PLEKHG5: variants seen among roughly 807,000 people sequenced by gnomAD.
PLEKHG5 encodes the protein pleckstrin homology domain-containing family G member 5.
A neutral mutation model predicts 103.8 loss-of-function variants in PLEKHG5; 52 were observed. The observed-to-expected ratio is 0.50, with a 90% CI of 0.40 to 0.63. The LOEUF (loss-of-function observed/expected upper bound fraction) is 0.63. PLEKHG5 is among the 30% of genes least tolerant of loss of function. The probability of loss-of-function intolerance (pLI) is 0.00; values close to 1 mark genes in which losing one functional copy is unlikely to be tolerated. For missense variants in PLEKHG5, 1,205 were observed against 1,347.6 expected (o/e 0.89, Z 1.66); for synonymous variants, 592 against 575.5 (o/e 1.03, Z -0.41).
At position 6,477,577 on chromosome 1, in the gene PLEKHG5, T is replaced by C; in HGVS notation, c.-6A>G. 1.2e-6 allele frequency: 2 copies of C among 1,612,556 alleles called. No homozygotes were observed. Among genetic ancestry groups the C allele is most frequent in the Non-Finnish European group, 1.7e-6 (2 of 1,179,986 alleles). ...ACATGCCCATCATAATGCATGGTGC[T>C]GTGGAACTTGCTGTCACAGGCCTCG... On this transcript the variant is annotated 5_prime_UTR_variant, in exon 2 of 21. Coordinates refer to ENST00000377728, the MANE Select transcript of PLEKHG5 (RefSeq NM_020631.6).
intron 7 of PLEKHG5, among the ~76,000 whole-genome samples, chr1:6,473,773 C>G (rs1423750714): frequency 6.6e-6 from 1 of 152,172 alleles, no homozygotes; most frequent in Admixed American, 6.5e-5. Context: ...CATGCACACA[C>G]AGGTTCCCTG....
Position 6,486,313 on chromosome 1 carries a change from C to T in PLEKHG5, c.-88+5324G>A, listed in dbSNP as rs1004916870. On this transcript the variant is annotated intron_variant, in intron 1 of 20. Coordinates refer to ENST00000377728, the MANE Select transcript of PLEKHG5 (RefSeq NM_020631.6). This position sits in a 1 kb window ranked among gnomAD's most constrained non-coding sequence, Gnocchi z 5.3. ...CCAGGGACACCCCTCTCTGCTCCAA[C>T]ACCAGCTTTGAGCCCCAGTCACACA... Among the ~76,000 whole-genome samples, 12 of 152,046 alleles carry T rather than the reference C, an allele frequency of 7.9e-5. No homozygotes were observed. Among genetic ancestry groups the T allele is most frequent in the Non-Finnish European group, 1.5e-4 (10 of 67,988 alleles).
At chr1:6,483,777 G>T (rs994675006) in intron 1 of PLEKHG5, among the ~76,000 whole-genome samples, 6 of 152,258 alleles carry the variant, frequency 3.9e-5, no homozygotes, top group African/African-American at 7.2e-5. Flanking sequence ...AGGCTTTGCA[G>T]CTTCTGGGAG....
chr1:6,495,282 C>A (rs534147801), upstream of PLEKHG5, among the ~76,000 whole-genome samples: 1 of 152,246 alleles, frequency 6.6e-6, no homozygotes, highest in Non-Finnish European at 1.5e-5. Context: ...TGACATCACA[C>A]CGCCCCCCTG....
At position 6,470,876 on chromosome 1, in the gene PLEKHG5, C is replaced by T. The variant is rs1372930331; in HGVS notation, c.1401G>A (p.Glu467=). 1 of 1,561,516 alleles carries T rather than the reference C, an allele frequency of 6.4e-7. No homozygotes were observed. Among genetic ancestry groups the T allele is most frequent in the Non-Finnish European group, 8.7e-7 (1 of 1,154,524 alleles). ...DLFRAYITWA[E]KHPQCQRLKL... ...TCAGCCTCTGGCACTGTGGGTGCTTCTCCGCCCACTGCGGTGGGGGAGTGG... is the reference window on the plus strand; with the variant it reads ...TCAGCCTCTGGCACTGTGGGTGCTTTTCCGCCCACTGCGGTGGGGGAGTGG... The change falls in exon 14 of 21, where the codon GAG becomes GAA. Residue 467 remains glutamate (E), a synonymous_variant. Transcript: ENST00000377728.
rs529892199 is a variant in PLEKHG5 at position 6,479,575 on chromosome 1, C to T, written c.-87-1917G>A. On this transcript the variant is annotated intron_variant, in intron 1 of 20. Transcript: ENST00000377728. ...TGCTGGGATTACACGCGTGAGCCAC[C>T]GTGCCCAGCCTTGTTTTTTGTGGTC... Among the ~76,000 whole-genome samples, 6 of 151,490 alleles carry T rather than the reference C, an allele frequency of 4.0e-5. No individual in the cohort carries two copies. The South Asian group carries it at 8.3e-4, about 21-fold the overall frequency.
intron 2 of PLEKHG5, among the ~76,000 whole-genome samples, chr1:6,477,155 C>T (rs1644784115): frequency 6.6e-6 from 1 of 152,210 alleles, no homozygotes. Context: ...ACCCCCACTC[C>T]ACACTGCCTC....
intron 1 of PLEKHG5, among the ~76,000 whole-genome samples, chr1:6,515,634 T>C (rs1396031333): frequency 6.6e-6 from 1 of 151,536 alleles, no homozygotes. Context: ...GAAACCAGCC[T>C]GGACAACAGA....
chr1:6,494,428 G>C (rs1645194066), upstream of PLEKHG5, among the ~76,000 whole-genome samples: 1 of 151,724 alleles, frequency 6.6e-6, no homozygotes, highest in Admixed American at 6.6e-5. Flanking sequence ...ACCACGCCAG[G>C]CCTTTTTTTT....
intron 1 of PLEKHG5, among the ~76,000 whole-genome samples, chr1:6,509,133 C>T (rs564978699): frequency 3.3e-4 from 51 of 152,368 alleles, no homozygotes; most frequent in African/African-American, 1.1e-3. Context: ...GGCCTCTGGA[C>T]AGGAAGATCC....
intron 1 of PLEKHG5, among the ~76,000 whole-genome samples, chr1:6,479,866 C>T (rs1475269704): frequency 6.6e-6 from 1 of 152,190 alleles, no homozygotes; most frequent in Non-Finnish European, 1.5e-5. Context: ...CCGCCTTGAC[C>T]TCCCAAAGAG....
upstream of PLEKHG5, among the ~76,000 whole-genome samples, chr1:6,501,417 C>T (rs1047700827): frequency 1.3e-4 from 20 of 152,188 alleles, no homozygotes; most frequent in South Asian, 2.1e-4. The surrounding 1 kb of genome is among the most constrained non-coding windows in gnomAD (Gnocchi z 4.3). Flanking sequence ...TATCCCAGTT[C>T]CAGGTGAACG....
upstream of PLEKHG5, chr1:6,496,518 C>T (rs775498233): frequency 5.6e-6 from 9 of 1,602,846 alleles, no homozygotes; most frequent in African/African-American, 9.4e-5. Flanking sequence ...CTTGTCCATG[C>T]AGGCGGGGTT....
intron 1 of PLEKHG5, among the ~76,000 whole-genome samples, chr1:6,510,284 A>G (rs1422113684): frequency 6.6e-6 from 1 of 152,164 alleles, no homozygotes; most frequent in East Asian, 1.9e-4. Flanking sequence ...CACCAGGCCA[A>G]GTAAAAAGAA....
rs1043326139 is a variant in PLEKHG5, at chr1:6,487,100, G to T, written c.-88+4537C>A. On this transcript the variant is annotated intron_variant, in intron 1 of 20. Transcript: ENST00000377728. This position sits in a 1 kb window ranked among gnomAD's most constrained non-coding sequence, Gnocchi z 4.1. ...TCACCCACTGTCTACACCACAGGCA[G>T]AGTTGTGTTTTTGTTTTTTGTTTGT... Among the ~76,000 whole-genome samples, 1 of 152,180 alleles carries T rather than the reference G, an allele frequency of 6.6e-6. No individual in the cohort carries two copies. The highest frequency in any genetic ancestry group is 1.5e-5 in the Non-Finnish European group (1 of 68,028).
At chr1:6,475,793 C>T in intron 3 of PLEKHG5, 138 bp downstream of exon 3, 3 of 841,200 alleles carry the variant, frequency 3.6e-6, no homozygotes, top group South Asian at 1.4e-5. Context: ...GGAGTCAGGA[C>T]AGCCACAGGC....
In PLEKHG5 at chr1:6,490,354, G is replaced by T; in HGVS notation, c.-88+1283C>A. On this transcript the variant is annotated intron_variant, in intron 1 of 20. Coordinates refer to ENST00000377728, the MANE Select transcript of PLEKHG5 (RefSeq NM_020631.6). This position sits in a 1 kb window ranked among gnomAD's most constrained non-coding sequence, Gnocchi z 8.0. ...AGGCCTGGCACTACGTGGGAATCTCGAATCCGGGTTCTGTCCATCGGTTTA... is the reference window on the plus strand; with the variant it reads ...AGGCCTGGCACTACGTGGGAATCTCTAATCCGGGTTCTGTCCATCGGTTTA... 1 of 715,398 alleles carries T rather than the reference G, an allele frequency of 1.4e-6. No individual in the cohort carries two copies. The highest frequency in any genetic ancestry group is 1.7e-6 in the Non-Finnish European group (1 of 584,818). The allele number at this position is 715,398 out of a possible 1,614,324, so 44.3% of individuals were successfully genotyped here.
At chr1:6,510,866 A>T (rs1379954560) in intron 1 of PLEKHG5, among the ~76,000 whole-genome samples, 1 of 152,012 alleles carries the variant, frequency 6.6e-6, no homozygotes, top group Admixed American at 6.6e-5. Flanking sequence ...GCGGGTGGGG[A>T]TCACTTTAGG....
chr1:6,473,022 C>A lies in PLEKHG5; in HGVS notation c.948G>T (p.Leu316=). The part of the protein sequence containing the change: ...DEDEDNACLR[L]EDSWRELIDG... ...CAATGAGCTCCCGCCAGCTGTCCTC[C>A]AGCCTCAGGCAGGCATTGTCCTCAT... Residue 316 remains leucine, a synonymous_variant, in exon 9 of 21, where the codon CTG becomes CTT. Transcript: ENST00000377728. 1 of 1,614,072 alleles carries A rather than the reference C, an allele frequency of 6.2e-7. No homozygotes were observed. The highest frequency in any genetic ancestry group is 1.1e-5 in the South Asian group (1 of 91,092).
Sources: gnomAD v4.1 joint callset for allele counts (sites outside exome capture counted in the v4.1 genomes callset) on GRCh38, gnomAD v4.1.1 for gene constraint, Gnocchi (gnomAD v3.1) non-coding constraint, MANE v1.5 for transcripts, NCBI Gene and HGNC (gene_info 2026-07-23, HGNC 2026-07-21) for gene names.